The following NRG3 variants were observed in gnomAD, a reference collection of about 807,000 sequenced individuals.
NRG3 encodes the protein neuregulin 3.
A neutral mutation model predicts 66.9 loss-of-function variants in NRG3; 31 were observed. The ratio of observed to expected loss-of-function variants is 0.46; its 90% CI spans 0.35 to 0.63. NRG3 has a LOEUF of 0.63. Ranked by LOEUF, NRG3 falls within the 20% of genes least tolerant of loss-of-function variation. NRG3 has a pLI of 0.00. For synonymous variants in NRG3, 393 were observed against 359.4 expected (o/e 1.09, Z -1.06); for missense variants, 910 against 878.9 (o/e 1.04, Z -0.45).
chr10:82,402,576 C>A lies in NRG3; in HGVS notation c.953+43708C>A, dbSNP rs775504646. Among the ~76,000 whole-genome samples the A allele has an allele frequency of 3.4e-4, 52 of 152,030 alleles. 1 individual carries two copies. The highest frequency in any genetic ancestry group is 6.8e-4 in the Non-Finnish European group (46 of 68,004). ...TATTTACTATGTGAGAATTTTTTTA[C>A]TCATTTATTTCCTTCTTCATCTTTC... On this transcript the variant is annotated intron_variant, in intron 2 of 8. Transcript: ENST00000372141.
chr10:82,126,070 TATCGCC>T (rs2068431779), intron 1 of NRG3, among the ~76,000 whole-genome samples: 1 of 152,048 alleles, frequency 6.6e-6, no homozygotes, highest in African/African-American at 2.4e-5. Context: ...ATTCCAGGAC[TATCGCC>T]ATAGAAAAGA....
intron 1 of NRG3, among the ~76,000 whole-genome samples, chr10:82,319,594 A>T (rs1293143997): frequency 1.3e-5 from 2 of 152,200 alleles, no homozygotes; most frequent in Non-Finnish European, 2.9e-5. Flanking sequence ...TCCATATTTA[A>T]TAGTGGTTTC....
intron 2 of NRG3, among the ~76,000 whole-genome samples, chr10:82,365,879 T>C (rs1040764106): frequency 3.9e-5 from 6 of 152,264 alleles, no homozygotes; most frequent in African/African-American, 1.4e-4. Context: ...GATTACCTTA[T>C]TTTAATGTTT....
intron 1 of NRG3, among the ~76,000 whole-genome samples, chr10:82,023,390 T>C (rs1011740683): frequency 2.0e-5 from 3 of 152,226 alleles, no homozygotes; most frequent in African/African-American, 7.2e-5. Flanking sequence ...CTTCTGGTGC[T>C]ATGTTGAATA....
chr10:82,303,359 G>A (rs942292712), intron 1 of NRG3, among the ~76,000 whole-genome samples: 14 of 91,740 alleles, frequency 1.5e-4, no homozygotes, highest in Non-Finnish European at 2.5e-4. Context: ...ACACACACAC[G>A]GAAGGACACA....
intron 1 of NRG3, among the ~76,000 whole-genome samples, chr10:82,041,824 C>CTGTG (rs1564762078): frequency 4.1e-5 from 3 of 73,092 alleles, no homozygotes; most frequent in Admixed American, 3.1e-4. Context: ...CTCTCTCTCT[C>CTGTG]TCTCTGTCTA....
intron 3 of NRG3, among the ~76,000 whole-genome samples, chr10:82,818,147 A>G (rs1175315946): frequency 6.6e-6 from 1 of 152,222 alleles, no homozygotes; most frequent in Non-Finnish European, 1.5e-5. Flanking sequence ...AGAAATCAAT[A>G]GAAAATGGGG....
intron 1 of NRG3, among the ~76,000 whole-genome samples, chr10:82,334,136 C>CAAAAA (rs34320765): frequency 2.6e-4 from 23 of 89,524 alleles, no homozygotes; most frequent in East Asian, 5.3e-4. Context: ...CATGGCGTCT[C>CAAAAA]AAAAAAAAAA....
intron 1 of NRG3, among the ~76,000 whole-genome samples, chr10:82,091,449 A>G (rs988641313): frequency 1.3e-5 from 2 of 152,166 alleles, no homozygotes; most frequent in Admixed American, 1.3e-4. Context: ...GTATTTCACT[A>G]AGCATGGTTT....
At chr10:82,486,663 C>T (rs1400443781) in intron 2 of NRG3, among the ~76,000 whole-genome samples, 2 of 152,176 alleles carry the variant, frequency 1.3e-5, no homozygotes, top group East Asian at 3.9e-4. Context: ...CTGCCCACCT[C>T]AGCCTCCCAA....
intron 2 of NRG3, among the ~76,000 whole-genome samples, chr10:82,416,420 G>A (rs1269199117): frequency 1.3e-5 from 2 of 152,172 alleles, no homozygotes; most frequent in Admixed American, 6.5e-5. Flanking sequence ...AGAGTGCCAA[G>A]CTCTGAAGGC....
intron 4 of NRG3, among the ~76,000 whole-genome samples, chr10:82,876,524 C>A (rs569091225): frequency 1.3e-5 from 2 of 152,110 alleles, no homozygotes; most frequent in East Asian, 1.9e-4. Context: ...TGTCAGAGAG[C>A]AAGTCTAACA....
intron 2 of NRG3, among the ~76,000 whole-genome samples, chr10:82,606,529 A>G (rs1335549903): frequency 6.6e-6 from 1 of 152,180 alleles, no homozygotes; most frequent in Non-Finnish European, 1.5e-5. Context: ...AATTAGATCT[A>G]GTTGATTGAT....
At chr10:82,597,971 A>G (rs1437738400) in intron 2 of NRG3, among the ~76,000 whole-genome samples, 4 of 152,012 alleles carry the variant, frequency 2.6e-5, no homozygotes, top group African/African-American at 7.2e-5. Flanking sequence ...TGACCTTACA[A>G]TGTACTTTAT....
intron 3 of NRG3, among the ~76,000 whole-genome samples, chr10:82,764,282 G>A (rs139337476): frequency 1.3e-3 from 203 of 151,870 alleles, no homozygotes; most frequent in East Asian, 8.4e-3. Flanking sequence ...TGATCTGCCC[G>A]CTTCAGCTTT....
chr10:82,270,643 A>G (rs1441240521), intron 1 of NRG3, among the ~76,000 whole-genome samples: 1 of 152,054 alleles, frequency 6.6e-6, no homozygotes, highest in African/African-American at 2.4e-5. Flanking sequence ...GCCCTTCCGA[A>G]GGTATAGCAA....
rs572367575 is a variant in NRG3 at position 81,960,095 on chromosome 10, G to C, written c.823+83932G>C. Among the ~76,000 whole-genome samples the C allele has an allele frequency of 2.6e-5, 4 of 151,774 alleles. No homozygotes were observed. The South Asian group carries it at 8.4e-4, about 32-fold the overall frequency. ...CTGTTAATTACTGTAACTTCTTTGT[G>C]GGTTTTGTGGGATGGTTGCGGCACA... On this transcript the variant is annotated intron_variant, in intron 1 of 8. Transcript: ENST00000372141.
chr10:82,669,841 T>C (rs4400742), intron 2 of NRG3, among the ~76,000 whole-genome samples: 25,187 of 150,652 alleles, frequency 0.17, 2,547 homozygotes, highest in African/African-American at 0.29. Context: ...GGCAGGAGAA[T>C]GGCGTGAACC....
chr10:82,751,915 C>T (rs767005895), intron 3 of NRG3, among the ~76,000 whole-genome samples: 3 of 151,810 alleles, frequency 2.0e-5, no homozygotes, highest in Non-Finnish European at 4.4e-5. Flanking sequence ...TCTTGTGTAT[C>T]TAATTATGGA....
Sources: allele counts gnomAD v4.1 joint callset (sites outside exome capture counted in the v4.1 genomes callset), GRCh38; gene constraint gnomAD v4.1.1; transcripts MANE v1.5; gene names NCBI Gene and HGNC (gene_info 2026-07-23, HGNC 2026-07-21).